TCF20: variants seen among roughly 807,000 people sequenced by gnomAD.
TCF20 encodes SPRE-binding protein.
A neutral mutation model predicts 148.6 loss-of-function variants in TCF20; 3 were observed. The ratio of observed to expected loss-of-function variants is 0.02; its 90% CI spans 0.01 to 0.05. The LOEUF is 0.05. TCF20 is among the 10% of genes least tolerant of loss of function. TCF20 has a pLI of 1.00. For missense variants in TCF20, 2,350 were observed against 2,429.3 expected (o/e 0.97, Z 0.69); for synonymous variants, 1,049 against 909.5 (o/e 1.15, Z -2.76).
upstream of TCF20, among the ~76,000 whole-genome samples, chr22:42,272,621 C>T (rs574204798): frequency 2.6e-5 from 4 of 152,186 alleles, no homozygotes; most frequent in African/African-American, 7.2e-5. Flanking sequence ...GCCCCCTCCC[C>T]GCCCTTTCAG....
In TCF20 at chr22:42,203,631, T is replaced by G. The variant is rs189913688; in HGVS notation, c.5655+6020A>C. 1.6e-4 allele frequency among the ~76,000 whole-genome samples: 24 copies of G among 152,246 alleles called. No homozygotes were observed. The East Asian group carries it at 4.4e-3, about 28-fold the overall frequency. The stretch of plus-strand genomic sequence containing the variant: ...CACAGTGTTAAGAAAAACAGGTAAA[T>G]TAGATACAAGTCTCTGCTATATACT... On this transcript the variant is annotated intron_variant, in intron 2 of 5. Transcript: ENST00000677622.
At chr22:42,239,402 G>A (rs1019120598) in intron 1 of TCF20, among the ~76,000 whole-genome samples, 8 of 151,902 alleles carry the variant, frequency 5.3e-5, no homozygotes, top group African/African-American at 1.7e-4. Context: ...CTTGAACCCC[G>A]GAGGCGGAGA....
intron 1 of TCF20, among the ~76,000 whole-genome samples, chr22:42,283,807 G>A (rs1926967434): frequency 6.6e-6 from 1 of 152,140 alleles, no homozygotes; most frequent in Non-Finnish European, 1.5e-5. Flanking sequence ...CCGCGGGAGA[G>A]GCACCGCGCA....
chr22:42,323,616 G>A (rs1927774951), intron 1 of TCF20, among the ~76,000 whole-genome samples: 1 of 151,808 alleles, frequency 6.6e-6, no homozygotes, highest in South Asian at 2.1e-4. Context: ...AGCAGGAAGT[G>A]CACATAGGAG....
At position 42,212,797 on chromosome 22, in the gene TCF20, T is replaced by G. The variant is rs1224158650; in HGVS notation, c.2509A>C (p.Thr837Pro). The G allele has an allele frequency of 6.2e-7, 1 of 1,614,096 alleles. No homozygotes were observed. The highest frequency in any genetic ancestry group is 1.3e-5 in the African/African-American group (1 of 74,940). The change falls in exon 2 of 6, where the codon ACT (threonine) becomes CCT (proline). Residue 837 changes from threonine (T) to proline (P), a missense_variant. Thr to Pro is a conservative substitution (Grantham distance 38, BLOSUM62 -1). This residue lies in a region of TCF20 where 1,641 missense variants were observed against 1,662.6 expected (regional missense o/e 0.99). Transcript: ENST00000677622. Reference sequence around the variant, plus strand: ...AACTTTCTGGGAATTGGATAGTCAGTCAAATTGATCTGTTTCATTTCAGGA... The same window carrying G: ...AACTTTCTGGGAATTGGATAGTCAGGCAAATTGATCTGTTTCATTTCAGGA... Reference protein sequence around the residue: ...TAPEMKQINLTDYPIPRKFEI... With the variant: ...TAPEMKQINLPDYPIPRKFEI...
rs561480387 is a variant in TCF20, at chr22:42,265,442, T to C, written c.-37+4897A>G. On this transcript the variant is annotated intron_variant, in intron 1 of 5. Coordinates refer to ENST00000677622, the MANE Select transcript of TCF20 (RefSeq NM_001378418.1). ...TCACACCTCAGCCTCCTGAATAGTC[T>C]GGACTACAGGCACCCACGTCACATC... 1.4e-4 allele frequency among the ~76,000 whole-genome samples: 21 copies of C among 152,328 alleles called. No homozygotes were observed. In the East Asian group the frequency reaches 3.5e-3, roughly 25 times the overall value.
chr22:42,278,557 C>T (rs1386769801), intron 1 of TCF20: 3 of 152,274 alleles, frequency 2.0e-5, no homozygotes, highest in Non-Finnish European at 4.4e-5. Context: ...AGACGCTCAG[C>T]TCCCAGGCCT....
chr22:42,256,396 T>C (rs1159073111), intron 1 of TCF20, among the ~76,000 whole-genome samples: 1 of 152,206 alleles, frequency 6.6e-6, no homozygotes, highest in Admixed American at 6.5e-5. Context: ...TTCATTCCCA[T>C]AGGCTTCATT....
Position 42,210,529 on chromosome 22 carries a change from G to A in TCF20, c.4777C>T (p.Pro1593Ser), listed in dbSNP as rs895958794. The A allele has an allele frequency of 6.2e-7, 1 of 1,614,122 alleles. No homozygotes were observed. Among genetic ancestry groups the A allele is most frequent in the Non-Finnish European group, 8.5e-7 (1 of 1,180,018 alleles). Residue 1593 changes from proline to serine, a missense_variant, in exon 2 of 6, where the codon CCG becomes TCG. Around this residue, in one of 7 missense-constraint regions of TCF20, gnomAD observed 374 missense variants for 398.3 expected, o/e 0.94. Transcript: ENST00000677622. This position sits in a 1 kb window ranked among gnomAD's most constrained non-coding sequence, Gnocchi z 4.7. ...GCTTGTTTGGTTTTTCGCTTCCTCG[G>A]CTGGGCCCCAGGCTTCCTTCTCTCC... Reference protein sequence around the residue: ...RRERRKPGAQPRKRKTKQAVP... With the variant: ...RRERRKPGAQSRKRKTKQAVP...
intron 2 of TCF20, among the ~76,000 whole-genome samples, chr22:42,182,004 G>T (rs1234291679): frequency 1.3e-5 from 2 of 152,202 alleles, no homozygotes; most frequent in African/African-American, 4.8e-5. Flanking sequence ...GTATCACCAT[G>T]AGGGGACAGC....
chr22:42,318,010 G>T (rs886178685), intron 1 of TCF20, among the ~76,000 whole-genome samples: 7 of 152,110 alleles, frequency 4.6e-5, no homozygotes, highest in Non-Finnish European at 2.9e-5. Context: ...GCACAGGGGC[G>T]TGTGCCCAGG....
intron 1 of TCF20, among the ~76,000 whole-genome samples, chr22:42,249,391 G>C (rs1925180611): frequency 6.6e-6 from 1 of 152,090 alleles, no homozygotes; most frequent in Non-Finnish European, 1.5e-5. Flanking sequence ...TGTCTCCCTA[G>C]GGAACCCTGA....
chr22:42,298,627 C>A (rs116177461), intron 1 of TCF20, among the ~76,000 whole-genome samples: 284 of 152,244 alleles, frequency 1.9e-3, no homozygotes, highest in African/African-American at 6.5e-3. Flanking sequence ...GGGGAGGGGG[C>A]AGTGGGACAG....
intron 1 of TCF20, among the ~76,000 whole-genome samples, chr22:42,324,933 C>T (rs931645653): frequency 6.6e-6 from 1 of 152,222 alleles, no homozygotes; most frequent in African/African-American, 2.4e-5. Flanking sequence ...GAAGAGAGGC[C>T]AGAAGAAGCC....
chr22:42,263,582 C>A (rs1426461798), intron 1 of TCF20, among the ~76,000 whole-genome samples: 1 of 152,176 alleles, frequency 6.6e-6, no homozygotes, highest in Non-Finnish European at 1.5e-5. Context: ...TGAACTAAAT[C>A]TGATCATGGC....
At chr22:42,192,064 T>A (rs1454930416) in intron 2 of TCF20, among the ~76,000 whole-genome samples, 5 of 152,202 alleles carry the variant, frequency 3.3e-5, no homozygotes, top group Non-Finnish European at 7.4e-5. Context: ...GCTTTCTGAA[T>A]CTAAAAAGGC....
chr22:42,323,797 G>A (rs1490428862), intron 1 of TCF20, among the ~76,000 whole-genome samples: 1 of 151,638 alleles, frequency 6.6e-6, no homozygotes, highest in Non-Finnish European at 1.5e-5. Flanking sequence ...CCAAGGCTGT[G>A]AGGATTAAAT....
chr22:42,331,165 C>T lies in TCF20; in HGVS notation c.-37+12314G>A, dbSNP rs796320918. 3.7e-4 allele frequency among the ~76,000 whole-genome samples: 56 copies of T among 152,344 alleles called. 1 individual carries two copies. The highest frequency in any genetic ancestry group is 1.3e-3 in the African/African-American group (56 of 41,578). On this transcript the variant is annotated intron_variant, in intron 1 of 1. Transcript: ENST00000515426. Reference sequence around the variant, plus strand: ...TTAGGGTAATCACGGGCTCCCCTCCCGGCAGCGCCGCGGAGCGCGACTGTC... The same window carrying T: ...TTAGGGTAATCACGGGCTCCCCTCCTGGCAGCGCCGCGGAGCGCGACTGTC...
intron 1 of TCF20, among the ~76,000 whole-genome samples, chr22:42,248,270 T>G (rs1386954930): frequency 6.6e-6 from 1 of 152,188 alleles, no homozygotes; most frequent in Non-Finnish European, 1.5e-5. Context: ...AAAGTATACA[T>G]TTTACACTAA....
Sources: allele counts gnomAD v4.1 joint callset (sites outside exome capture counted in the v4.1 genomes callset), GRCh38; gene constraint gnomAD v4.1.1; regional missense constraint gnomAD v4.1.1; non-coding constraint Gnocchi (gnomAD v3.1); transcripts MANE v1.5; gene names NCBI Gene and HGNC (gene_info 2026-07-23, HGNC 2026-07-21).